Variants in DEPDC5 observed in about 807,000 individuals in gnomAD.
DEPDC5 encodes DEP domain containing 5, GATOR1 subcomplex subunit, also known as GATOR1 complex protein DEPDC5.
A neutral mutation model predicts 217.3 loss-of-function variants in DEPDC5; 73 were observed. The ratio of observed to expected loss-of-function variants is 0.34; its 90% CI spans 0.28 to 0.41. The LOEUF is 0.41. Among genes scored for constraint, DEPDC5 ranks in the 10% least tolerant of loss-of-function variants. The pLI is 1.00. For missense variants in DEPDC5, 1,675 were observed against 2,070.1 expected, an observed-to-expected ratio of 0.81 and a Z score of 3.70; for synonymous variants, 733 against 756.7, an observed-to-expected ratio of 0.97 and a Z score of 0.51.
intron 25 of DEPDC5, 32 bp downstream of exon 25, chr22:31,834,012 T>C: frequency 6.2e-7 from 1 of 1,606,136 alleles, no homozygotes; most frequent in Non-Finnish European, 8.5e-7. Context: ...GGGAAAGGGG[T>C]AGACAGGGAG....
At chr22:31,795,161 C>G (rs2086102548) in intron 12 of DEPDC5, among the ~76,000 whole-genome samples, 1 of 149,760 alleles carries the variant, frequency 6.7e-6, no homozygotes, top group Admixed American at 6.8e-5. Context: ...ACTTCCGCCT[C>G]CCTAGTACAA....
At chr22:31,790,014 C>T (rs1443821048) in intron 10 of DEPDC5, among the ~76,000 whole-genome samples, 1 of 152,140 alleles carries the variant, frequency 6.6e-6, no homozygotes, top group Non-Finnish European at 1.5e-5. Flanking sequence ...AGTTGAGACA[C>T]TCCATGCCCA....
rs371317533 is a variant in DEPDC5, at chr22:31,778,081, G to A, written c.414-18G>A. The A allele has an allele frequency of 2.5e-6, 4 of 1,613,464 alleles. No individual in the cohort carries two copies. In the African/African-American group the frequency reaches 4.0e-5, roughly 16 times the overall value. On this transcript the variant is annotated intron_variant, in intron 7 of 42. Coordinates refer to ENST00000651528, the MANE Select transcript of DEPDC5 (RefSeq NM_001242896.3). The stretch of plus-strand genomic sequence containing the variant: ...TTTCATGTAAGACTTGTAATAACTT[G>A]TGTGTGTATTCTTTCAGAGCACAGG...
chr22:31,830,909 C>A (rs1317760168), intron 24 of DEPDC5, among the ~76,000 whole-genome samples: 1 of 152,030 alleles, frequency 6.6e-6, no homozygotes, highest in Non-Finnish European at 1.5e-5. Flanking sequence ...GGTAACAATT[C>A]TGTTATTGCT....
chr22:31,867,916 G>A (rs2092731602), intron 33 of DEPDC5, among the ~76,000 whole-genome samples: 2 of 152,124 alleles, frequency 1.3e-5, no homozygotes, highest in Admixed American at 6.6e-5. Context: ...GGCCCAGAAG[G>A]CAATGCCTAA....
At chr22:31,801,857 AT>A (rs2086899694) in intron 14 of DEPDC5, among the ~76,000 whole-genome samples, 1 of 152,164 alleles carries the variant, frequency 6.6e-6, no homozygotes, top group Non-Finnish European at 1.5e-5. Context: ...AATGTCTTCT[AT>A]TAGTAAATCT....
intron 5 of DEPDC5, 73 bp downstream of exon 5, chr22:31,765,133 A>C: frequency 2.6e-6 from 3 of 1,166,646 alleles, no homozygotes; most frequent in Non-Finnish European, 3.9e-6. Context: ...TACTAAGGAA[A>C]CAATGGGTTA....
chr22:31,820,922 G>A (rs16989522), intron 22 of DEPDC5, among the ~76,000 whole-genome samples: 3,444 of 152,220 alleles, frequency 0.023, 118 homozygotes, highest in African/African-American at 0.073. Flanking sequence ...GCCTCTTTCA[G>A]GTTTGGGATT....
intron 4 of DEPDC5, among the ~76,000 whole-genome samples, chr22:31,763,562 C>T (rs1224666647): frequency 4.0e-5 from 6 of 151,850 alleles, no homozygotes; most frequent in South Asian, 2.1e-4. Flanking sequence ...CTCCCACCTC[C>T]GCCTCCCGAG....
chr22:31,846,978 G>C lies in DEPDC5; in HGVS notation c.3155+11G>C. ...GGAGGCCAGTCAGAAGTAAGTGCTT[G>C]GTGGAAGACTGACTTGTCCCCACCT... is the stretch of plus-strand genomic sequence containing the variant. On this transcript the variant is annotated intron_variant, in intron 31 of 42. Coordinates refer to ENST00000651528, the MANE Select transcript of DEPDC5 (RefSeq NM_001242896.3). 6.2e-7 allele frequency: 1 copy of C among 1,614,242 alleles called. No homozygotes were observed. The highest frequency in any genetic ancestry group is 8.5e-7 in the Non-Finnish European group (1 of 1,180,042).
chr22:31,831,044 G>GTTTTTTTTTTTTTTTT (rs59430558), intron 24 of DEPDC5: 1 of 143,538 alleles, frequency 7.0e-6, no homozygotes, highest in Non-Finnish European at 1.5e-5. Flanking sequence ...GTCAGCCAAG[G>GTTTTTTTTTTTTTTTT]TTTTTTTTTT....
intron 31 of DEPDC5, among the ~76,000 whole-genome samples, chr22:31,853,801 C>T (rs1038782946): frequency 6.6e-6 from 1 of 152,140 alleles, no homozygotes; most frequent in African/African-American, 2.4e-5. Flanking sequence ...ATGAGGATGA[C>T]AGCCAAGTCA....
Position 31,822,490 on chromosome 22 carries a change from C to G in DEPDC5, c.2007-203C>G, listed in dbSNP as rs73404159. ...GGGAAAGCAGCAGGGGTGCCAGGGT[C>G]ACAAGGAGCCGGCACTGACACACAA... On this transcript the variant is annotated intron_variant, in intron 23 of 42. Coordinates refer to ENST00000651528, the MANE Select transcript of DEPDC5 (RefSeq NM_001242896.3). Among the ~76,000 whole-genome samples, 1,380 of 152,240 alleles carry G rather than the reference C, an allele frequency of 9.1e-3. 18 individuals are homozygous for G. Among genetic ancestry groups the G allele is most frequent in the African/African-American group, 0.03 (1,262 of 41,540 alleles).
intron 38 of DEPDC5, among the ~76,000 whole-genome samples, chr22:31,884,819 C>T (rs2093266700): frequency 6.6e-6 from 1 of 152,180 alleles, no homozygotes; most frequent in Non-Finnish European, 1.5e-5. Flanking sequence ...GCTAGCCCTG[C>T]TGTTTCCCCG....
At chr22:31,890,498 C>T (rs2093417208) in intron 38 of DEPDC5, 2 of 151,778 alleles carry the variant, frequency 1.3e-5, no homozygotes, top group South Asian at 2.1e-4. Flanking sequence ...TCAATTAAGG[C>T]TAGGAGTTCG....
At chr22:31,804,055 G>C in intron 15 of DEPDC5, 107 bp from the exon 16 acceptor site, 1 of 997,916 alleles carries the variant, frequency 1.0e-6, no homozygotes, top group South Asian at 1.4e-5. Flanking sequence ...TCATACAATG[G>C]TAAGTTAGCT....
chr22:31,875,858 C>G (rs980221161), intron 36 of DEPDC5: 3 of 230,262 alleles, frequency 1.3e-5, no homozygotes, highest in Non-Finnish European at 2.6e-5. Context: ...GTCTTGAACT[C>G]CTGGCCTCAA....
At chr22:31,891,313 T>G (rs944190415) in intron 38 of DEPDC5, 6 of 455,598 alleles carry the variant, frequency 1.3e-5, no homozygotes, top group Non-Finnish European at 2.5e-5. Flanking sequence ...TATCTTTACA[T>G]TATCTTTATC....
chr22:31,790,783 G>A (rs1046211500), intron 10 of DEPDC5, among the ~76,000 whole-genome samples: 5 of 134,716 alleles, frequency 3.7e-5, no homozygotes, highest in South Asian at 2.3e-4. Context: ...GTCTCGCTCC[G>A]TCGCCCAGGC....
Sources: allele counts gnomAD v4.1 joint callset (sites outside exome capture counted in the v4.1 genomes callset), GRCh38; gene constraint gnomAD v4.1.1; transcripts MANE v1.5; gene names NCBI Gene and HGNC (gene_info 2026-07-23, HGNC 2026-07-21).